EPB41L1: variants seen among roughly 807,000 people sequenced by gnomAD.
EPB41L1 encodes band 4.1-like protein 1.
In EPB41L1, 29 loss-of-function variants were observed where a neutral mutation model predicts 97.8. That is an observed-to-expected ratio of 0.30 (90% CI 0.22 to 0.40). EPB41L1 has a LOEUF of 0.40. Among genes scored for constraint, EPB41L1 ranks in the 10% least tolerant of loss-of-function variants. The pLI is 1.00. For synonymous variants in EPB41L1, 383 were observed against 459.2 expected (o/e 0.83, Z 2.12); for missense variants, 812 against 1,162.3 (o/e 0.70, Z 4.38).
At chr20:36,225,357 G>A (rs1231273461) in intron 21 of EPB41L1, among the ~76,000 whole-genome samples, 1 of 152,116 alleles carries the variant, frequency 6.6e-6, no homozygotes, top group Admixed American at 6.6e-5. Flanking sequence ...GTATCACCTG[G>A]GGAAGCCTGT....
rs780979119 is a variant in EPB41L1 at position 36,219,800 on chromosome 20, A to C, written c.2395A>C (p.Thr799Pro). 6.2e-7 allele frequency: 1 copy of C among 1,614,070 alleles called. No homozygotes were observed. The highest frequency in any genetic ancestry group is 8.5e-7 in the Non-Finnish European group (1 of 1,180,028). Residue 799 changes from threonine to proline, a missense_variant, in exon 19 of 22, where the codon ACT becomes CCT. Thr to Pro is a conservative substitution (Grantham distance 38). Around this residue, in one of 3 missense-constraint regions of EPB41L1, gnomAD observed 498 missense variants for 622.7 expected, o/e 0.80. Coordinates refer to ENST00000338074, the MANE Select transcript of EPB41L1 (RefSeq NM_012156.2). ...KDVLTSTYGA[T>P]AETLSTSTTT... ...TGTCCTCACCAGCACCTACGGCGCC[A>C]CTGCGGAAACCCTCTCAACCTCCAC...
At chr20:36,165,274 G>A (rs566216502) in intron 1 of EPB41L1, among the ~76,000 whole-genome samples, 4 of 151,652 alleles carry the variant, frequency 2.6e-5, no homozygotes, top group African/African-American at 7.2e-5. Context: ...GAGCCACCGC[G>A]CCTGGCCCAG....
chr20:36,177,445 T>C (rs938194636), intron 3 of EPB41L1, among the ~76,000 whole-genome samples: 8 of 151,598 alleles, frequency 5.3e-5, no homozygotes, highest in Admixed American at 2.6e-4. Context: ...GGGAAGGGAG[T>C]GGTGGGCTAG....
At position 36,188,064 on chromosome 20, in the gene EPB41L1, C is replaced by A. The variant is rs1569250750; in HGVS notation, c.874-283C>A. ...TAGCACCTGGCACATAGCCTGGCACCAAGTGTGTGCCACTAAATATTTGCT... is the reference window on the plus strand; with the variant it reads ...TAGCACCTGGCACATAGCCTGGCACAAAGTGTGTGCCACTAAATATTTGCT... On this transcript the variant is annotated intron_variant, in intron 8 of 21. Coordinates refer to ENST00000338074, the MANE Select transcript of EPB41L1 (RefSeq NM_012156.2). 2.0e-5 allele frequency among the ~76,000 whole-genome samples: 3 copies of A among 152,176 alleles called. No homozygotes were observed. In the South Asian group the frequency reaches 6.2e-4, roughly 32 times the overall value.
intron 2 of EPB41L1, among the ~76,000 whole-genome samples, chr20:36,119,164 A>G (rs1382509365): frequency 6.6e-6 from 1 of 152,228 alleles, no homozygotes; most frequent in East Asian, 1.9e-4. Flanking sequence ...ACACATGACT[A>G]TGGTGTGATT....
intron 1 of EPB41L1, among the ~76,000 whole-genome samples, chr20:36,102,000 G>C (rs1451751209): frequency 8.2e-6 from 1 of 122,034 alleles, no homozygotes; most frequent in East Asian, 2.3e-4. Context: ...GTGAGACTCT[G>C]TCTCAAAAAA....
chr20:36,210,184 G>GT (rs2063052950), intron 15 of EPB41L1, among the ~76,000 whole-genome samples: 1 of 152,164 alleles, frequency 6.6e-6, no homozygotes, highest in Non-Finnish European at 1.5e-5. Flanking sequence ...CCCCCCACCT[G>GT]TGTTGCATGG....
In EPB41L1 at chr20:36,212,406, C is replaced by T. The variant is rs756237617; in HGVS notation, c.2184+30C>T. On this transcript the variant is annotated intron_variant, in intron 16 of 21. Coordinates refer to ENST00000338074, the MANE Select transcript of EPB41L1 (RefSeq NM_012156.2). This position sits in a 1 kb window ranked among gnomAD's most constrained non-coding sequence, Gnocchi z 4.8. ...CTTGTGCCTTCCAATGTACCCTAAG[C>T]ATGGGTATTGGGCATTTGGTGGTAG... 1.9e-5 allele frequency: 30 copies of T among 1,583,648 alleles called. 1 individual carries two copies. The Admixed American group carries it at 4.2e-4, about 22-fold the overall frequency.
At chr20:36,154,600 C>A, upstream of EPB41L1, 1 of 777,564 alleles carries the variant, frequency 1.3e-6, no homozygotes, top group Non-Finnish European at 1.5e-6. This position sits in a 1 kb window ranked among gnomAD's most constrained non-coding sequence, Gnocchi z 5.5. Context: ...CAGGCGCAAG[C>A]GGCGGCCGCC....
chr20:36,107,457 G>T (rs2058229590), intron 1 of EPB41L1, among the ~76,000 whole-genome samples: 1 of 150,672 alleles, frequency 6.6e-6, no homozygotes, highest in Admixed American at 6.6e-5. Flanking sequence ...CTGACCTCAT[G>T]ATCCACCTGC....
At position 36,230,772 on chromosome 20, in the gene EPB41L1, C is replaced by T. The variant is rs1225799624; in HGVS notation, c.*1432C>T. On this transcript the variant is annotated 3_prime_UTR_variant, in exon 22 of 22. Transcript: ENST00000338074. The stretch of plus-strand genomic sequence containing the variant: ...TTTTCAGTCTTCTCTCTCTTTCTCT[C>T]TTTTTTTTTTTTTTGCCACATTCTG... 983 of 142,250 alleles carry T rather than the reference C, an allele frequency of 6.9e-3. 6 individuals are homozygous for T. Among genetic ancestry groups the T allele is most frequent in the African/African-American group, 0.024 (926 of 38,866 alleles). 8.8% of individuals were successfully genotyped at this position (142,250 alleles called of 1,614,324 possible).
chr20:36,222,574 C>T (rs780912455), intron 21 of EPB41L1, among the ~76,000 whole-genome samples, 180 bp downstream of exon 21: 1 of 152,042 alleles, frequency 6.6e-6, no homozygotes, highest in Admixed American at 6.5e-5. Context: ...AGATACAAGT[C>T]GGTGGGGAGA....
intron 2 of EPB41L1, among the ~76,000 whole-genome samples, chr20:36,145,095 G>A (rs1344281803): frequency 6.6e-6 from 1 of 152,142 alleles, no homozygotes; most frequent in African/African-American, 2.4e-5. Flanking sequence ...CCTAGTTTCT[G>A]ACTCAGTAGG....
chr20:36,117,499 C>A (rs2058622995), intron 2 of EPB41L1, among the ~76,000 whole-genome samples: 1 of 152,212 alleles, frequency 6.6e-6, no homozygotes, highest in African/African-American at 2.4e-5. Flanking sequence ...GAACTAGAAT[C>A]AAAGTCCTTC....
At chr20:36,216,398 G>T (rs539534564) in intron 17 of EPB41L1, among the ~76,000 whole-genome samples, 4 of 152,218 alleles carry the variant, frequency 2.6e-5, no homozygotes, top group Non-Finnish European at 4.4e-5. Flanking sequence ...GAGGAGTCGG[G>T]GGGGAAGAGC....
chr20:36,175,712 G>A lies in EPB41L1; in HGVS notation c.339G>A (p.Val113=), dbSNP rs771586848. The A allele has an allele frequency of 9.9e-6, 16 of 1,613,952 alleles. No homozygotes were observed. The highest frequency in any genetic ancestry group is 1.4e-5 in the Non-Finnish European group (16 of 1,179,986). Residue 113 remains valine (V), a synonymous_variant, in exon 3 of 22, where the codon GTG becomes GTA. Coordinates refer to ENST00000338074, the MANE Select transcript of EPB41L1 (RefSeq NM_012156.2). ...LLDASEYECE[V]EKHGRGQVLF... The stretch of plus-strand genomic sequence containing the variant: ...ATGCCTCGGAGTATGAGTGTGAGGT[G>A]GAGGTAGGGGAGCACTGAGTGCCAT...
chr20:36,178,382 A>G (rs1320977636), intron 4 of EPB41L1, among the ~76,000 whole-genome samples: 1 of 152,152 alleles, frequency 6.6e-6, no homozygotes, highest in African/African-American at 2.4e-5. Flanking sequence ...TTGCAGATGC[A>G]TCACCTGCTC....
At chr20:36,200,344 C>T (rs1259651341) in intron 14 of EPB41L1, among the ~76,000 whole-genome samples, 1 of 152,164 alleles carries the variant, frequency 6.6e-6, no homozygotes, top group Non-Finnish European at 1.5e-5. Flanking sequence ...ATCCCAAAAT[C>T]AGTTTTGTGG....
At chr20:36,154,349 G>A (rs1360635370), upstream of EPB41L1, among the ~76,000 whole-genome samples, 1 of 152,124 alleles carries the variant, frequency 6.6e-6, no homozygotes, top group Non-Finnish European at 1.5e-5. This position sits in a 1 kb window ranked among gnomAD's most constrained non-coding sequence, Gnocchi z 5.5. Context: ...CCCCAAGAGG[G>A]CTTGGCGAGA....
Sources: allele counts gnomAD v4.1 joint callset (sites outside exome capture counted in the v4.1 genomes callset), GRCh38; gene constraint gnomAD v4.1.1; regional missense constraint gnomAD v4.1.1; non-coding constraint Gnocchi (gnomAD v3.1); transcripts MANE v1.5; gene names NCBI Gene and HGNC (gene_info 2026-07-23, HGNC 2026-07-21).